CSMD1: variants seen among roughly 807,000 people sequenced by gnomAD.
CSMD1 encodes the protein CUB and sushi domain-containing protein 1.
In CSMD1, 213 loss-of-function variants were observed where a neutral mutation model predicts 417.5. The ratio of observed to expected loss-of-function variants is 0.51; its 90% CI spans 0.46 to 0.57. The LOEUF is 0.57. CSMD1 is among the 20% of genes least tolerant of loss of function. The pLI, the probability that CSMD1 is intolerant of heterozygous loss-of-function variation, is 0.00. For synonymous variants in CSMD1, 2,862 were observed against 1,736.8 expected, an observed-to-expected ratio of 1.65 and a Z score of -16.11; for missense variants, 6,923 against 4,529.7, an observed-to-expected ratio of 1.53 and a Z score of -15.17.
intron 1 of CSMD1, among the ~76,000 whole-genome samples, chr8:4,677,535 T>C (rs1563123065): frequency 2.0e-5 from 3 of 152,186 alleles, no homozygotes; most frequent in African/African-American, 2.4e-5. Context: ...GATTTCCTTA[T>C]AATCTGCACT....
chr8:4,156,271 A>C (rs998096904), intron 3 of CSMD1, among the ~76,000 whole-genome samples: 2 of 152,132 alleles, frequency 1.3e-5, no homozygotes, highest in African/African-American at 4.8e-5. Context: ...TTATGGCTAA[A>C]GAGTTGATGG....
chr8:4,173,140 A>G (rs1797858776), intron 3 of CSMD1, among the ~76,000 whole-genome samples: 1 of 152,180 alleles, frequency 6.6e-6, no homozygotes, highest in African/African-American at 2.4e-5. Flanking sequence ...CAACAAGTAT[A>G]GGGTTGCTAG....
At chr8:4,497,421 T>C (rs1373093137) in intron 2 of CSMD1, among the ~76,000 whole-genome samples, 1 of 152,190 alleles carries the variant, frequency 6.6e-6, no homozygotes, top group Non-Finnish European at 1.5e-5. Flanking sequence ...GGGGGAAATA[T>C]TAACCGCTTT....
intron 40 of CSMD1, among the ~76,000 whole-genome samples, chr8:3,145,043 T>TTGTG (rs34827109): frequency 1.9e-4 from 28 of 146,784 alleles, no homozygotes; most frequent in Admixed American, 4.0e-4. Context: ...GAGTAAAGAG[T>TTGTG]TGTGTGTGTG....
chr8:4,711,316 G>A (rs534098409), intron 1 of CSMD1, among the ~76,000 whole-genome samples: 2 of 152,112 alleles, frequency 1.3e-5, no homozygotes, highest in East Asian at 1.9e-4. Flanking sequence ...TAAACTGAAG[G>A]GCAAATTAAA....
intron 10 of CSMD1, among the ~76,000 whole-genome samples, chr8:3,518,134 T>A (rs1170761352): frequency 6.7e-6 from 1 of 148,694 alleles, no homozygotes; most frequent in Non-Finnish European, 1.5e-5. Context: ...TATTAACTAT[T>A]TCTAGAAAAA....
intron 1 of CSMD1, among the ~76,000 whole-genome samples, chr8:4,877,939 CCAAA>C (rs753891832): frequency 2.2e-4 from 34 of 152,092 alleles, no homozygotes; most frequent in Admixed American, 8.5e-4. Context: ...AGGGACCTAC[CCAAA>C]CAGAGACACA....
intron 2 of CSMD1, among the ~76,000 whole-genome samples, chr8:4,507,536 A>G (rs531341326): frequency 6.6e-6 from 1 of 152,350 alleles, no homozygotes; most frequent in East Asian, 1.9e-4. Flanking sequence ...AGAAAATGAC[A>G]TAGAAGTATT....
intron 3 of CSMD1, among the ~76,000 whole-genome samples, chr8:4,249,964 G>A (rs1802953901): frequency 1.3e-5 from 2 of 152,082 alleles, no homozygotes; most frequent in South Asian, 2.1e-4. Context: ...ATGAATTAAT[G>A]CCCATATAAA....
At chr8:3,359,412 A>C in intron 20 of CSMD1, 72 bp from the exon 21 acceptor site, 1 of 1,152,552 alleles carries the variant, frequency 8.7e-7, no homozygotes, top group Non-Finnish European at 1.2e-6. Context: ...AGCAAGAATA[A>C]AAAGTGCTAT....
Position 4,805,242 on chromosome 8 carries a change from T to C in CSMD1, c.86-167684A>G, listed in dbSNP as rs114565871. Among the ~76,000 whole-genome samples the C allele has an allele frequency of 8.7e-3, 1,331 of 152,348 alleles. 15 individuals carry two copies. Among genetic ancestry groups the C allele is most frequent in the African/African-American group, 0.03 (1,244 of 41,582 alleles). ...AAATTATATTTCAAGAATATATGTA[T>C]TGCACCTGTCCATCTCTTTCATGGA... On this transcript the variant is annotated intron_variant, in intron 1 of 69. Coordinates refer to ENST00000635120, the MANE Select transcript of CSMD1 (RefSeq NM_033225.6).
At chr8:4,316,597 G>C (rs755620967) in intron 3 of CSMD1, among the ~76,000 whole-genome samples, 44 of 151,970 alleles carry the variant, frequency 2.9e-4, no homozygotes, top group African/African-American at 5.3e-4. Context: ...CTAAGACTTG[G>C]TGTAGACATC....
intron 2 of CSMD1, among the ~76,000 whole-genome samples, chr8:4,608,542 G>A (rs1037861894): frequency 6.6e-5 from 10 of 152,198 alleles, no homozygotes; most frequent in African/African-American, 2.2e-4. Flanking sequence ...CGCCAGTACT[G>A]TCATTAACAA....
intron 65 of CSMD1, among the ~76,000 whole-genome samples, chr8:2,953,142 G>A (rs934671057): frequency 1.3e-5 from 2 of 152,050 alleles, no homozygotes; most frequent in African/African-American, 2.4e-5. Context: ...AACAAAAAGA[G>A]GCTGTGTTTT....
intron 69 of CSMD1, among the ~76,000 whole-genome samples, chr8:2,941,281 A>T (rs1447106520): frequency 6.6e-6 from 1 of 152,230 alleles, no homozygotes; most frequent in Non-Finnish European, 1.5e-5. Flanking sequence ...TGTGTATTTC[A>T]AAAGTGAATA....
chr8:3,512,488 T>A (rs1797117381), intron 10 of CSMD1, among the ~76,000 whole-genome samples: 4 of 151,806 alleles, frequency 2.6e-5, no homozygotes, highest in Admixed American at 2.6e-4. Flanking sequence ...TAAGAGGCAC[T>A]GAAAGAATGA....
At chr8:4,055,977 C>T (rs1798668889) in intron 3 of CSMD1, among the ~76,000 whole-genome samples, 1 of 151,960 alleles carries the variant, frequency 6.6e-6, no homozygotes, top group Non-Finnish European at 1.5e-5. Context: ...TGAGTTTTCC[C>T]CTACTAGAAG....
At chr8:4,113,123 C>T (rs1801945434) in intron 3 of CSMD1, among the ~76,000 whole-genome samples, 1 of 151,922 alleles carries the variant, frequency 6.6e-6, no homozygotes, top group Non-Finnish European at 1.5e-5. Flanking sequence ...CTTACTGTTC[C>T]ACTCATCAGC....
At chr8:4,843,021 A>G (rs978100570) in intron 1 of CSMD1, among the ~76,000 whole-genome samples, 4 of 152,230 alleles carry the variant, frequency 2.6e-5, no homozygotes, top group African/African-American at 9.6e-5. Context: ...CCAGGACTCT[A>G]ACATCAACTG....
Sources: allele counts gnomAD v4.1 joint callset (sites outside exome capture counted in the v4.1 genomes callset), GRCh38; gene constraint gnomAD v4.1.1; transcripts MANE v1.5; gene names NCBI Gene and HGNC (gene_info 2026-07-23, HGNC 2026-07-21).